Variants in PPFIA4 observed in about 807,000 individuals in gnomAD.
The protein encoded by PPFIA4 is liprin-alpha-4.
PPFIA4 carries 98 observed loss-of-function variants against 145.7 expected under a neutral mutation model. The ratio of observed to expected loss-of-function variants is 0.67; its 90% CI spans 0.57 to 0.80. The LOEUF (loss-of-function observed/expected upper bound fraction) is 0.80, where lower values mean the gene tolerates loss of function less well. PPFIA4 is among the 30% of genes least tolerant of loss of function. The pLI is 0.00. For missense variants in PPFIA4, 1,457 were observed against 1,632.7 expected (o/e 0.89, Z 1.85); for synonymous variants, 628 against 649.6 (o/e 0.97, Z 0.51).
At position 203,055,760 on chromosome 1, in the gene PPFIA4, G is replaced by C. The variant is rs553473548; in HGVS notation, c.2070+88G>C. Reference sequence around the variant, plus strand: ...GGATGGTAGGACTCACGTGCTCTCAGCTGGGCCTGCCATCTTCTTCCCATG... The same window carrying C: ...GGATGGTAGGACTCACGTGCTCTCACCTGGGCCTGCCATCTTCTTCCCATG... On this transcript the variant is annotated intron_variant, in intron 16 of 29. Transcript: ENST00000295706. The surrounding 1 kb of genome is among the most constrained non-coding windows in gnomAD (Gnocchi z 4.8). The C allele has an allele frequency of 6.4e-7, 1 of 1,563,890 alleles. No homozygotes were observed. Among genetic ancestry groups the C allele is most frequent in the Non-Finnish European group, 8.7e-7 (1 of 1,149,896 alleles).
rs576565614 is a variant in PPFIA4, at chr1:203,035,706, G to C, written c.-399-2904G>C. 4.4e-5 allele frequency: 20 copies of C among 455,572 alleles called. No homozygotes were observed. The Admixed American group carries it at 4.5e-4, about 10-fold the overall frequency. 28.2% of individuals were successfully genotyped at this position (455,572 alleles called of 1,614,324 possible). A position where few individuals can be genotyped will look rare whatever the true frequency, so the allele number is the denominator to read the frequency against. On this transcript the variant is annotated intron_variant, in intron 1 of 29. Transcript: ENST00000295706. ...TCTGTTAGGCTGAGATGATAATTGC[G>C]CTATTTAAAGACGGCCCTGGAGCCA...
chr1:203,045,002 G>T (rs755612769), intron 6 of PPFIA4, among the ~76,000 whole-genome samples: 13 of 152,170 alleles, frequency 8.5e-5, no homozygotes, highest in Non-Finnish European at 1.5e-4. Context: ...CACATCATAC[G>T]CTTGTCTGCT....
intron 25 of PPFIA4, among the ~76,000 whole-genome samples, chr1:203,065,972 C>A (rs1661705626): frequency 6.6e-6 from 1 of 152,316 alleles, no homozygotes; most frequent in South Asian, 2.1e-4. Context: ...AGTGCTGCCA[C>A]TACTGAGTGC....
intron 27 of PPFIA4, 51 bp from the exon 28 acceptor site, chr1:203,071,641 A>T: frequency 1.5e-6 from 2 of 1,354,706 alleles, no homozygotes; most frequent in East Asian, 2.4e-5. Flanking sequence ...GCATAAAGGT[A>T]GTTAACTATA....
chr1:203,053,771 C>T lies in PPFIA4; in HGVS notation c.1639C>T (p.Leu547=), dbSNP rs777816512. The T allele has an allele frequency of 1.9e-6, 3 of 1,551,084 alleles. No homozygotes were observed. Among genetic ancestry groups the T allele is most frequent in the East Asian group, 4.9e-5 (2 of 40,978 alleles). The change falls in exon 15 of 30, where the codon CTG becomes TTG. Residue 547 remains leucine, a synonymous_variant. Transcript: ENST00000295706. The stretch of plus-strand genomic sequence containing the variant: ...TGCTAAGGACTGGGAGACTTCTCCA[C>T]TGCCTGGGATGCTGGCCCCGGCAGC... The part of the protein sequence containing the change: ...ESAKDWETSP[L]PGMLAPAAGP...
rs541749829 is a variant in PPFIA4 at position 203,043,927 on chromosome 1, C to T, written c.337-4C>T. ...CTCTCACCCTCCCCTGCTCTCCCTG[C>T]CAGCTGCTTCTGGAACATCTGGAGT... On this transcript the variant is annotated splice_polypyrimidine_tract_variant and splice_region_variant and intron_variant, in intron 3 of 29. Transcript: ENST00000295706. This position sits in a 1 kb window ranked among gnomAD's most constrained non-coding sequence, Gnocchi z 4.4. The T allele has an allele frequency of 6.3e-7, 1 of 1,595,140 alleles. No individual in the cohort carries two copies. Among genetic ancestry groups the T allele is most frequent in the African/African-American group, 1.3e-5 (1 of 74,678 alleles).
intron 28 of PPFIA4, among the ~76,000 whole-genome samples, chr1:203,072,992 T>C (rs1444801939): frequency 6.8e-6 from 1 of 148,040 alleles, no homozygotes; most frequent in Non-Finnish European, 1.5e-5. Context: ...TCAGGATCTC[T>C]GCTTTGTTTG....
In PPFIA4 at chr1:203,055,378, C is replaced by G. The variant is rs978140435; in HGVS notation, c.1830-54C>G. 5 of 1,607,820 alleles carry G rather than the reference C, an allele frequency of 3.1e-6. No individual in the cohort carries two copies. Among genetic ancestry groups the G allele is most frequent in the Admixed American group, 3.3e-5 (2 of 59,902 alleles). ...GTGCAGGCATCGACCCGCACTGCCT[C>G]CTGCTGGTCCTGGCTGGGGCTAGTG... On this transcript the variant is annotated intron_variant, in intron 15 of 29. Transcript: ENST00000295706. The surrounding 1 kb of genome is among the most constrained non-coding windows in gnomAD (Gnocchi z 4.8).
At chr1:203,045,026 A>G (rs1558073602) in intron 6 of PPFIA4, among the ~76,000 whole-genome samples, 1 of 152,082 alleles carries the variant, frequency 6.6e-6, no homozygotes, top group African/African-American at 2.4e-5. Flanking sequence ...ATTGTTAGGC[A>G]CCATCTGCCT....
At chr1:203,052,952 G>C (rs1328475444) in intron 14 of PPFIA4, among the ~76,000 whole-genome samples, 1 of 152,242 alleles carries the variant, frequency 6.6e-6, no homozygotes, top group Non-Finnish European at 1.5e-5. Context: ...AGTTTGTATG[G>C]ATGGAAACTG....
rs749127344 is a variant in PPFIA4 at position 203,053,830 on chromosome 1, C to T, written c.1698C>T (p.Ser566=). 30 of 1,553,668 alleles carry T rather than the reference C, an allele frequency of 1.9e-5. No individual in the cohort carries two copies. Among genetic ancestry groups the T allele is most frequent in the Admixed American group, 1.8e-4 (9 of 51,242 alleles). Reference sequence around the variant, plus strand: ...CCTTTGACAGTGACCCTGAGATCTCCGACGTGGATGAGGATGAGCCAGGGG... The same window carrying T: ...CCTTTGACAGTGACCCTGAGATCTCTGACGTGGATGAGGATGAGCCAGGGG... The part of the protein sequence containing the change: ...GPAFDSDPEI[S]DVDEDEPGGL... The change falls in exon 15 of 30, where the codon TCC becomes TCT. Residue 566 remains serine (S), a synonymous_variant. Coordinates refer to ENST00000295706, the MANE Select transcript of PPFIA4 (RefSeq NM_001304331.2).
chr1:203,027,947 G>T (rs1658531750), intron 1 of PPFIA4, among the ~76,000 whole-genome samples: 1 of 152,214 alleles, frequency 6.6e-6, no homozygotes, highest in African/African-American at 2.4e-5. Flanking sequence ...AACTGGCCAG[G>T]TAGTCCCAGG....
intron 2 of PPFIA4, among the ~76,000 whole-genome samples, chr1:203,041,816 A>T (rs1209091723): frequency 1.3e-5 from 2 of 152,160 alleles, no homozygotes; most frequent in Non-Finnish European, 2.9e-5. Context: ...GCATGTGTAC[A>T]TGACTGTGTG....
intron 1 of PPFIA4, among the ~76,000 whole-genome samples, chr1:203,031,216 C>G (rs1331605924): frequency 2.0e-5 from 3 of 152,096 alleles, no homozygotes; most frequent in African/African-American, 7.2e-5. Context: ...TGCCACCATG[C>G]CCAGCTAGTT....
intron 14 of PPFIA4, among the ~76,000 whole-genome samples, 185 bp downstream of exon 14, chr1:203,052,062 C>A: frequency 7.3e-6 from 1 of 137,424 alleles, no homozygotes. Context: ...CCCCCGCTTG[C>A]CTTGGCCTCC....
rs1662561985 is a variant in PPFIA4, at chr1:203,076,518, C to G, written c.*128C>G. The G allele has an allele frequency of 2.1e-6, 2 of 947,352 alleles. No homozygotes were observed. Among genetic ancestry groups the G allele is most frequent in the South Asian group, 2.9e-5 (2 of 69,454 alleles). 58.7% of individuals were successfully genotyped at this position (947,352 alleles called of 1,614,324 possible). A position where few individuals can be genotyped will look rare whatever the true frequency, so the allele number is the denominator to read the frequency against. ...CCGTGACTTTCCGGTTGCCCTGGAT[C>G]TCAGAATATATTCGTCCACCCCCTC... On this transcript the variant is annotated 3_prime_UTR_variant, in exon 30 of 30. Coordinates refer to ENST00000295706, the MANE Select transcript of PPFIA4 (RefSeq NM_001304331.2).
Position 203,048,694 on chromosome 1 carries a change from A to T in PPFIA4, c.1336A>T (p.Met446Leu). 6.5e-7 allele frequency: 1 copy of T among 1,530,394 alleles called. No individual in the cohort carries two copies. The highest frequency in any genetic ancestry group is 8.9e-7 in the Non-Finnish European group (1 of 1,128,648). The allele number at this position is 1,530,394 out of a possible 1,614,324, so 94.8% of individuals were successfully genotyped here. A position where few individuals can be genotyped will look rare whatever the true frequency, so the allele number is the denominator to read the frequency against. The change falls in exon 11 of 30, where the codon ATG (methionine) becomes TTG (leucine). Residue 446 changes from methionine (M) to leucine (L), a missense_variant. Met to Leu is a conservative substitution (Grantham distance 15). Around this residue, in one of 3 missense-constraint regions of PPFIA4, gnomAD observed 848 missense variants for 1,046.7 expected, o/e 0.81. Transcript: ENST00000295706. The surrounding 1 kb of genome is among the most constrained non-coding windows in gnomAD (Gnocchi z 5.8). ...ERLQLHLKER[M>L]AALEEKNTLI... ...TCTGCAGCTCCACCTGAAGGAGCGC[A>T]TGGCTGCCCTGGAGGAGAAGGTGCC...
intron 28 of PPFIA4, among the ~76,000 whole-genome samples, chr1:203,074,172 C>T (rs544120003): frequency 7.2e-5 from 11 of 152,170 alleles, no homozygotes; most frequent in South Asian, 2.1e-4. Flanking sequence ...TGCTTAGCTA[C>T]GGGGATAAGT....
rs1236924973 is a variant in PPFIA4, at chr1:203,077,390, A to C, written c.*1000A>C. The C allele has an allele frequency of 6.6e-6, 1 of 152,180 alleles. No homozygotes were observed. Among genetic ancestry groups the C allele is most frequent in the East Asian group, 1.9e-4 (1 of 5,192 alleles). The allele number at this position is 152,180 out of a possible 1,614,324, so 9.4% of individuals were successfully genotyped here. A position where few individuals can be genotyped will look rare whatever the true frequency, so the allele number is the denominator to read the frequency against. ...TCTGCCTCACTTCTTTAGTAATCCCAACCCTATAAAAATGAACCTAATGGG... is the reference window on the plus strand; with the variant it reads ...TCTGCCTCACTTCTTTAGTAATCCCCACCCTATAAAAATGAACCTAATGGG... On this transcript the variant is annotated 3_prime_UTR_variant, in exon 30 of 30. Transcript: ENST00000295706.
Sources: allele counts gnomAD v4.1 joint callset (sites outside exome capture counted in the v4.1 genomes callset), GRCh38; gene constraint gnomAD v4.1.1; regional missense constraint gnomAD v4.1.1; non-coding constraint Gnocchi (gnomAD v3.1); transcripts MANE v1.5; gene names NCBI Gene and HGNC (gene_info 2026-07-23, HGNC 2026-07-21).